STX8: variants seen among roughly 807,000 people sequenced by gnomAD.
The protein encoded by STX8 is syntaxin-8.
STX8 carries 23 observed loss-of-function variants against 37.5 expected under a neutral mutation model. The observed-to-expected ratio is 0.61, with a 90% confidence interval of 0.44 to 0.87. The LOEUF is 0.87. Ranked by LOEUF, STX8 falls within the 40% of genes least tolerant of loss-of-function variation. The pLI is 0.00. For synonymous variants in STX8, 115 were observed against 99.1 expected, an observed-to-expected ratio of 1.16 and a Z score of -0.95; for missense variants, 313 against 284.7, an observed-to-expected ratio of 1.10 and a Z score of -0.71.
chr17:9,402,014 C>G (rs1165704432), intron 6 of STX8, among the ~76,000 whole-genome samples: 1 of 152,168 alleles, frequency 6.6e-6, no homozygotes, highest in Non-Finnish European at 1.5e-5. Flanking sequence ...CAGGGATTTA[C>G]AGGCAGGTCT....
At chr17:9,288,652 A>G (rs928490241) in intron 7 of STX8, among the ~76,000 whole-genome samples, 18 of 151,568 alleles carry the variant, frequency 1.2e-4, no homozygotes, top group African/African-American at 3.6e-4. Flanking sequence ...ACAGAGTGAG[A>G]CTCCGTCTCG....
At chr17:9,421,967 C>T (rs1278495853) in intron 6 of STX8, among the ~76,000 whole-genome samples, 3 of 152,124 alleles carry the variant, frequency 2.0e-5, no homozygotes, top group Non-Finnish European at 4.4e-5. Flanking sequence ...CCATGTAGGA[C>T]GTGCCAGCTT....
At chr17:9,356,960 G>GGT (rs1262906790) in intron 7 of STX8, among the ~76,000 whole-genome samples, 1 of 61,752 alleles carries the variant, frequency 1.6e-5, no homozygotes, top group Non-Finnish European at 2.9e-5. Flanking sequence ...CCTTTTAACA[G>GGT]TTTTTTTTTT....
chr17:9,351,448 C>T (rs897877708), intron 7 of STX8, among the ~76,000 whole-genome samples: 5 of 152,018 alleles, frequency 3.3e-5, no homozygotes, highest in Non-Finnish European at 5.9e-5. Context: ...TGAGCCACGG[C>T]GCCCGGCCTA....
intron 7 of STX8, among the ~76,000 whole-genome samples, chr17:9,368,645 T>C (rs1911305611): frequency 6.6e-6 from 1 of 152,146 alleles, no homozygotes. Flanking sequence ...CATGCAGGTC[T>C]CTCTCCTCCT....
At position 9,557,517 on chromosome 17, in the gene STX8, T is replaced by G. The variant is rs776149780; in HGVS notation, c.129A>C (p.Thr43=). The stretch of plus-strand genomic sequence containing the variant: ...TCAGGTTCTGCAACAAAGCTCTGAT[T>G]GTCACGGTAAGCTGAAAAGAAAAGA... ...KGEKAPKLTV[T]IRALLQNLKE... is the part of the protein sequence containing the mutation. The change falls in exon 3 of 8, where the codon ACA becomes ACC. Residue 43 remains threonine, a synonymous_variant. Transcript: ENST00000306357. 1 of 1,614,040 alleles carries G rather than the reference T, an allele frequency of 6.2e-7. No individual in the cohort carries two copies. Among genetic ancestry groups the G allele is most frequent in the Admixed American group, 1.7e-5 (1 of 60,020 alleles).
At chr17:9,384,168 G>C (rs1159969179) in intron 6 of STX8, among the ~76,000 whole-genome samples, 6 of 150,164 alleles carry the variant, frequency 4.0e-5, no homozygotes, top group African/African-American at 1.5e-4. Context: ...TTATAAGAGA[G>C]AACACGGTAT....
At chr17:9,429,441 C>A (rs1913765817) in intron 6 of STX8, among the ~76,000 whole-genome samples, 1 of 144,596 alleles carries the variant, frequency 6.9e-6, no homozygotes, top group African/African-American at 2.5e-5. Flanking sequence ...GTGGCTCACA[C>A]ACCTGTAATC....
intron 7 of STX8, among the ~76,000 whole-genome samples, chr17:9,317,690 C>T (rs556851159): frequency 8.1e-4 from 122 of 151,300 alleles, no homozygotes; most frequent in Middle Eastern, 3.4e-3. Context: ...GTCGTGAACC[C>T]GGGAGGTGGA....
chr17:9,350,346 T>C lies in STX8; in HGVS notation c.643+28206A>G, dbSNP rs117302453. Among the ~76,000 whole-genome samples the C allele has an allele frequency of 8.2e-3, 1,253 of 152,298 alleles. 9 individuals are homozygous for C. Among genetic ancestry groups the C allele is most frequent in the Middle Eastern group, 0.024 (7 of 294 alleles). On this transcript the variant is annotated intron_variant, in intron 7 of 7. Coordinates refer to ENST00000306357, the MANE Select transcript of STX8 (RefSeq NM_004853.3). ...GAATTTTCCATTTAATATTTTAGGATTGACTGTGGTTGACCACAGGTAACT... is the reference window on the plus strand; with the variant it reads ...GAATTTTCCATTTAATATTTTAGGACTGACTGTGGTTGACCACAGGTAACT...
intron 4 of STX8, among the ~76,000 whole-genome samples, chr17:9,535,111 A>T (rs950614574): frequency 6.6e-6 from 1 of 152,190 alleles, no homozygotes; most frequent in African/African-American, 2.4e-5. Flanking sequence ...TGGATCAAAG[A>T]TTTAACAGTT....
intron 7 of STX8, among the ~76,000 whole-genome samples, chr17:9,293,118 CT>C (rs1479269237): frequency 6.6e-6 from 1 of 152,170 alleles, no homozygotes; most frequent in African/African-American, 2.4e-5. Context: ...ACCTCCATGT[CT>C]CCTAGGTAGA....
intron 6 of STX8, among the ~76,000 whole-genome samples, chr17:9,409,248 C>A (rs1912903581): frequency 6.6e-6 from 1 of 152,124 alleles, no homozygotes; most frequent in Non-Finnish European, 1.5e-5. Context: ...TGCCTTCCCC[C>A]GTGGTGCCTG....
chr17:9,394,710 T>C (rs1437712861), intron 6 of STX8, among the ~76,000 whole-genome samples: 1 of 151,768 alleles, frequency 6.6e-6, no homozygotes, highest in African/African-American at 2.4e-5. Context: ...TGCCAATATT[T>C]AGTAAAAATT....
At chr17:9,361,758 A>G (rs1416785404) in intron 7 of STX8, among the ~76,000 whole-genome samples, 1 of 152,204 alleles carries the variant, frequency 6.6e-6, no homozygotes, top group African/African-American at 2.4e-5. Flanking sequence ...GCACGCACCA[A>G]TAACTGGCAG....
intron 4 of STX8, among the ~76,000 whole-genome samples, chr17:9,534,336 A>C (rs1294379967): frequency 1.5e-5 from 2 of 133,124 alleles, no homozygotes; most frequent in Non-Finnish European, 3.0e-5. Context: ...TGCCTTGGAG[A>C]AACAAACAAA....
chr17:9,442,561 C>T (rs1004246163), intron 6 of STX8, among the ~76,000 whole-genome samples: 3 of 152,156 alleles, frequency 2.0e-5, no homozygotes, highest in Non-Finnish European at 4.4e-5. Flanking sequence ...CATGTGCCAC[C>T]ACGCCTGGCT....
At chr17:9,510,622 G>A (rs1033394008) in intron 4 of STX8, among the ~76,000 whole-genome samples, 2 of 151,956 alleles carry the variant, frequency 1.3e-5, no homozygotes, top group African/African-American at 4.8e-5. Context: ...AGCAAAAGTA[G>A]TACTATGAGG....
At chr17:9,474,962 ACT>A (rs974231045) in intron 6 of STX8, among the ~76,000 whole-genome samples, 24 of 152,120 alleles carry the variant, frequency 1.6e-4, no homozygotes, top group African/African-American at 5.8e-4. Flanking sequence ...ACAGAGCAAG[ACT>A]CTGTAGCAAA....
Sources: allele counts gnomAD v4.1 joint callset (sites outside exome capture counted in the v4.1 genomes callset), GRCh38; gene constraint gnomAD v4.1.1; transcripts MANE v1.5; gene names NCBI Gene and HGNC (gene_info 2026-07-23, HGNC 2026-07-21).